Variants in TMEM131L observed in about 807,000 individuals in gnomAD.
The protein encoded by TMEM131L is transmembrane 131 like.
Under a neutral mutation model 192.2 loss-of-function variants are expected in TMEM131L, and 54 were observed. The ratio of observed to expected loss-of-function variants is 0.28; its 90% CI spans 0.23 to 0.35. TMEM131L has a LOEUF of 0.35. Among genes scored for constraint, TMEM131L ranks in the 10% least tolerant of loss-of-function variants. The pLI, the probability that TMEM131L is intolerant of heterozygous loss-of-function variation, is 1.00. For synonymous variants in TMEM131L, 701 were observed against 704.9 expected (o/e 0.99, Z 0.09); for missense variants, 1,888 against 1,972.9 (o/e 0.96, Z 0.82).
At chr4:153,587,896 A>G in intron 15 of TMEM131L, 85 bp downstream of exon 15, 2 of 952,682 alleles carry the variant, frequency 2.1e-6, no homozygotes, top group Non-Finnish European at 1.7e-6. Context: ...TGTCAATGGA[A>G]TAATTAGTTC....
chr4:153,555,977 C>G lies in TMEM131L; in HGVS notation c.432+67C>G. On this transcript the variant is annotated intron_variant, in intron 5 of 34. Coordinates refer to ENST00000409959, the MANE Select transcript of TMEM131L (RefSeq NM_001131007.2). The surrounding 1 kb of genome is among the most constrained non-coding windows in gnomAD (Gnocchi z 4.1). ...AGCCAGGTTTTCTTGCTTTCTTTGG[C>G]CTGAAGTTTTTACTTTCTGCTCCCT... The G allele has an allele frequency of 4.0e-6, 6 of 1,513,226 alleles. No individual in the cohort carries two copies. The highest frequency in any genetic ancestry group is 5.3e-6 in the Non-Finnish European group (6 of 1,122,404). The allele number at this position is 1,513,226 out of a possible 1,614,324, so 93.7% of individuals were successfully genotyped here. A position where few individuals can be genotyped will look rare whatever the true frequency, so the allele number is the denominator to read the frequency against.
chr4:153,632,568 T>C (rs1440899022), intron 31 of TMEM131L, 150 bp from the exon 32 acceptor site: 1 of 802,968 alleles, frequency 1.2e-6, no homozygotes, highest in Admixed American at 2.9e-5. Flanking sequence ...TATTTCAGAA[T>C]TATATCCTGA....
chr4:153,466,586 A>G (rs2149686227), intron 1 of TMEM131L, 65 bp downstream of exon 1: 2 of 1,245,110 alleles, frequency 1.6e-6, no homozygotes, highest in East Asian at 3.2e-5. Context: ...CTTTTAGGGA[A>G]CTGCTGAAAT....
chr4:153,485,786 C>A (rs1732291794), intron 3 of TMEM131L, among the ~76,000 whole-genome samples: 1 of 152,132 alleles, frequency 6.6e-6, no homozygotes, highest in South Asian at 2.1e-4. Flanking sequence ...TCCACTTAAT[C>A]CATAAAAATT....
intron 3 of TMEM131L, among the ~76,000 whole-genome samples, chr4:153,494,035 G>A (rs1485110413): frequency 2.0e-5 from 3 of 151,902 alleles, no homozygotes. Context: ...ATTGTTGTGG[G>A]TAAGGACCTG....
At chr4:153,575,175 G>A (rs947217582) in intron 7 of TMEM131L, among the ~76,000 whole-genome samples, 14 of 152,274 alleles carry the variant, frequency 9.2e-5, no homozygotes, top group African/African-American at 2.9e-4. Context: ...CTTTAAGTCT[G>A]TTATTTCCTT....
At chr4:153,599,499 C>T (rs778682063) in intron 21 of TMEM131L, among the ~76,000 whole-genome samples, 1 of 152,104 alleles carries the variant, frequency 6.6e-6, no homozygotes, top group African/African-American at 2.4e-5. Context: ...AGCAACACAG[C>T]AAGACCCCTT....
At chr4:153,487,673 C>G (rs1454533964) in intron 3 of TMEM131L, among the ~76,000 whole-genome samples, 1 of 151,064 alleles carries the variant, frequency 6.6e-6, no homozygotes. Context: ...CTGGCCCAGG[C>G]CCCTGTGGAG....
At chr4:153,591,260 C>T in intron 17 of TMEM131L, 66 bp downstream of exon 17, 1 of 1,423,974 alleles carries the variant, frequency 7.0e-7, no homozygotes, top group Non-Finnish European at 9.3e-7. Context: ...TTCAAAGTAC[C>T]AGATTGTGTC....
chr4:153,519,541 C>G (rs1734962626), intron 3 of TMEM131L, among the ~76,000 whole-genome samples: 1 of 152,200 alleles, frequency 6.6e-6, no homozygotes, highest in Non-Finnish European at 1.5e-5. Flanking sequence ...CTGTCTGACT[C>G]TATTTGCCAT....
At chr4:153,561,934 T>C (rs1427407970) in intron 7 of TMEM131L, among the ~76,000 whole-genome samples, 3 of 150,282 alleles carry the variant, frequency 2.0e-5, no homozygotes, top group Non-Finnish European at 4.4e-5. Context: ...GGTCTTTTCT[T>C]AGAAACCAGT....
chr4:153,498,277 A>C (rs1160553961), intron 3 of TMEM131L, among the ~76,000 whole-genome samples: 2 of 152,138 alleles, frequency 1.3e-5, no homozygotes, highest in African/African-American at 4.8e-5. Context: ...GGGGCCTGGG[A>C]GGAGCCCTCC....
chr4:153,608,955 A>G (rs1026590143), intron 25 of TMEM131L, among the ~76,000 whole-genome samples: 2 of 152,156 alleles, frequency 1.3e-5, no homozygotes, highest in Non-Finnish European at 2.9e-5. Context: ...CGTGAAGGGC[A>G]TTAACATGTG....
intron 3 of TMEM131L, among the ~76,000 whole-genome samples, chr4:153,540,304 A>G (rs1264928036): frequency 2.0e-5 from 3 of 152,068 alleles, no homozygotes; most frequent in East Asian, 1.9e-4. Flanking sequence ...TGTGATCTGT[A>G]TGCCTTAACT....
intron 3 of TMEM131L, among the ~76,000 whole-genome samples, chr4:153,544,439 C>T (rs1414015258): frequency 1.3e-5 from 2 of 152,316 alleles, no homozygotes; most frequent in African/African-American, 4.8e-5. Flanking sequence ...TCCTCATGGG[C>T]CAGCAAAGCC....
At chr4:153,584,312 G>A (rs899584668) in intron 11 of TMEM131L, among the ~76,000 whole-genome samples, 2 of 152,112 alleles carry the variant, frequency 1.3e-5, no homozygotes, top group Non-Finnish European at 2.9e-5. Context: ...GGTGAAGAAA[G>A]GTAGATTTTA....
intron 3 of TMEM131L, among the ~76,000 whole-genome samples, chr4:153,507,636 G>T (rs536395498): frequency 6.6e-6 from 1 of 152,292 alleles, no homozygotes; most frequent in Non-Finnish European, 1.5e-5. Context: ...TTGCTGTTAG[G>T]ATGCAGACTT....
intron 14 of TMEM131L, among the ~76,000 whole-genome samples, chr4:153,587,030 T>C (rs1047755675): frequency 1.3e-5 from 2 of 152,210 alleles, no homozygotes; most frequent in African/African-American, 4.8e-5. Flanking sequence ...ATCTTTATTT[T>C]TTTTCTCACT....
Position 153,602,579 on chromosome 4 carries a change from G to T in TMEM131L, c.2491G>T (p.Asp831Tyr), listed in dbSNP as rs1561232628. The change falls in exon 23 of 35, where the codon GAC becomes TAC. Residue 831 changes from aspartate to tyrosine, a missense_variant. By Grantham distance (160) the Asp-to-Tyr change is radical (BLOSUM62 -3). Coordinates refer to ENST00000409959, the MANE Select transcript of TMEM131L (RefSeq NM_001131007.2). ...CTTTACCTCCTCCTGGGTAATTCGG[G>T]ACCTAAGTCTTGTAACCGCAGCGGA... Reference protein sequence around the residue: ...PDFTSSWVIRDLSLVTAADLE... With the variant: ...PDFTSSWVIRYLSLVTAADLE... 6 of 1,614,032 alleles carry T rather than the reference G, an allele frequency of 3.7e-6. No individual in the cohort carries two copies. Among genetic ancestry groups the T allele is most frequent in the East Asian group, 2.2e-5 (1 of 44,886 alleles).
Sources: allele counts gnomAD v4.1 joint callset (sites outside exome capture counted in the v4.1 genomes callset), GRCh38; gene constraint gnomAD v4.1.1; non-coding constraint Gnocchi (gnomAD v3.1); transcripts MANE v1.5; gene names NCBI Gene and HGNC (gene_info 2026-07-23, HGNC 2026-07-21).